ROBO2: variants seen among roughly 807,000 people sequenced by gnomAD.
ROBO2 encodes roundabout guidance receptor 2.
Under a neutral mutation model 160.8 loss-of-function variants are expected in ROBO2, and 53 were observed. That is an observed-to-expected ratio of 0.33 (90% CI 0.26 to 0.41). ROBO2 has a LOEUF of 0.41. Ranked by LOEUF, ROBO2 falls within the 10% of genes least tolerant of loss-of-function variation. ROBO2 has a pLI of 1.00. For synonymous variants in ROBO2, 664 were observed against 611.7 expected, an observed-to-expected ratio of 1.09 and a Z score of -1.26; for missense variants, 1,577 against 1,722.4, an observed-to-expected ratio of 0.92 and a Z score of 1.49.
chr3:76,892,128 A>C (rs530026365), intron 2 of ROBO2, among the ~76,000 whole-genome samples: 1 of 151,700 alleles, frequency 6.6e-6, no homozygotes, highest in East Asian at 1.9e-4. Context: ...TACTGGCATA[A>C]TTTTTAAAGA....
At chr3:76,119,961 C>A (rs1576938496) in intron 2 of ROBO2, among the ~76,000 whole-genome samples, 1 of 136,366 alleles carries the variant, frequency 7.3e-6, no homozygotes, top group African/African-American at 2.7e-5. Flanking sequence ...TTCCTTCCTT[C>A]CTTCCTTCCT....
At chr3:76,283,153 A>ATATATATATATATATATATATATATATAT (rs1559717396) in intron 2 of ROBO2, among the ~76,000 whole-genome samples, 2 of 12,072 alleles carry the variant, frequency 1.7e-4, no homozygotes, top group Admixed American at 1.4e-3. Context: ...TATATATATA[A>ATATATATATATATATATATATATATATAT]AACTACATAT....
chr3:76,110,225 C>A (rs1251977878), intron 2 of ROBO2, among the ~76,000 whole-genome samples: 1 of 151,954 alleles, frequency 6.6e-6, no homozygotes, highest in Non-Finnish European at 1.5e-5. Flanking sequence ...TGATGGCAAA[C>A]CTTCTTAAGG....
rs139115308 is a variant in ROBO2 at position 77,166,718 on chromosome 3, C to T, written c.388+68378C>T. Among the ~76,000 whole-genome samples, 1,458 of 149,884 alleles carry T rather than the reference C, an allele frequency of 9.7e-3. 13 individuals carry two copies. Among genetic ancestry groups the T allele is most frequent in the Non-Finnish European group, 0.014 (962 of 67,920 alleles). On this transcript the variant is annotated intron_variant, in intron 2 of 25. Coordinates refer to ENST00000461745, the Ensembl canonical transcript of ROBO2. ...GGACTACAGGCGCCGCCACCACTCC[C>T]GGCTAATTTTTTTTTGTATTTTTAG...
At chr3:76,922,872 CTGT>C (rs2076754798) in intron 2 of ROBO2, among the ~76,000 whole-genome samples, 1 of 152,152 alleles carries the variant, frequency 6.6e-6, no homozygotes, top group Non-Finnish European at 1.5e-5. Context: ...GTGTATAGGG[CTGT>C]TATTATTTCA....
intron 2 of ROBO2, among the ~76,000 whole-genome samples, chr3:77,004,144 A>G (rs1248743453): frequency 6.6e-6 from 1 of 152,206 alleles, no homozygotes; most frequent in Non-Finnish European, 1.5e-5. Flanking sequence ...ATAAAGGTCT[A>G]TATCATAAAC....
chr3:76,216,102 G>A (rs200724091), intron 2 of ROBO2, among the ~76,000 whole-genome samples: 2 of 152,140 alleles, frequency 1.3e-5, no homozygotes, highest in African/African-American at 2.4e-5. Flanking sequence ...TTACAGACAA[G>A]CAAATGCTGA....
intron 2 of ROBO2, among the ~76,000 whole-genome samples, chr3:76,392,587 G>A (rs887768230): frequency 8.6e-5 from 13 of 152,022 alleles, no homozygotes; most frequent in Admixed American, 5.2e-4. Flanking sequence ...GCATTTTCCC[G>A]CAAAATGATG....
intron 2 of ROBO2, among the ~76,000 whole-genome samples, chr3:76,841,712 G>GA: frequency 6.6e-6 from 1 of 152,104 alleles, no homozygotes; most frequent in African/African-American, 2.4e-5. Context: ...AAAAATATGA[G>GA]AAAAAAGAGG....
chr3:76,257,950 A>G (rs1256659446), intron 2 of ROBO2, among the ~76,000 whole-genome samples: 3 of 152,168 alleles, frequency 2.0e-5, no homozygotes, highest in South Asian at 2.1e-4. Context: ...AACGCTTCAC[A>G]TATTTCAGCA....
chr3:75,972,168 A>G (rs908394022), intron 2 of ROBO2, among the ~76,000 whole-genome samples: 4 of 151,644 alleles, frequency 2.6e-5, no homozygotes, highest in Non-Finnish European at 5.9e-5. Flanking sequence ...AACTATTTTG[A>G]GCAATATAAT....
intron 2 of ROBO2, among the ~76,000 whole-genome samples, chr3:76,854,116 A>C (rs542861294): frequency 1.3e-5 from 2 of 149,706 alleles, no homozygotes; most frequent in East Asian, 4.0e-4. Flanking sequence ...AGCATGTTAT[A>C]CCTAAAATTT....
intron 2 of ROBO2, among the ~76,000 whole-genome samples, chr3:76,334,315 C>T (rs886566903): frequency 1.5e-4 from 23 of 152,110 alleles, no homozygotes; most frequent in African/African-American, 5.3e-4. Flanking sequence ...GCGTATTTAT[C>T]ACAGCATCCC....
At chr3:77,459,731 TG>T (rs1161295563) in intron 2 of ROBO2, among the ~76,000 whole-genome samples, 3 of 152,014 alleles carry the variant, frequency 2.0e-5, no homozygotes, top group Non-Finnish European at 2.9e-5. Context: ...TAGGAAGTCA[TG>T]GGGAGAATAA....
intron 2 of ROBO2, among the ~76,000 whole-genome samples, chr3:77,107,017 A>G (rs2072893102): frequency 6.6e-6 from 1 of 152,194 alleles, no homozygotes; most frequent in South Asian, 2.1e-4. Flanking sequence ...AAAATACCAT[A>G]AACTGGGTAG....
At chr3:77,519,072 TTTTATTAA>T (rs1413938407) in intron 5 of ROBO2, among the ~76,000 whole-genome samples, 5 of 151,520 alleles carry the variant, frequency 3.3e-5, no homozygotes, top group Non-Finnish European at 7.4e-5. Context: ...AGGTAGTCTC[TTTTATTAA>T]TTGTTAAGAT....
chr3:77,332,838 T>C lies in ROBO2; in HGVS notation c.389-144576T>C, dbSNP rs570060125. Among the ~76,000 whole-genome samples, 35 of 152,336 alleles carry C rather than the reference T, an allele frequency of 2.3e-4. No individual in the cohort carries two copies. In the South Asian group the frequency reaches 5.2e-3, roughly 23 times the overall value. On this transcript the variant is annotated intron_variant, in intron 2 of 25. Transcript: ENST00000461745. ...TAGTTGCTGCTGTTAATATTAATGT[T>C]AGTACTGTGTAATCATCTGAAAAGT...
chr3:77,505,317 G>T (rs754456969), intron 5 of ROBO2, among the ~76,000 whole-genome samples: 1 of 151,908 alleles, frequency 6.6e-6, no homozygotes, highest in Non-Finnish European at 1.5e-5. Flanking sequence ...TAATACAAGT[G>T]GTCATACAAG....
At chr3:77,394,901 ATTC>A (rs2075118254) in intron 2 of ROBO2, among the ~76,000 whole-genome samples, 1 of 152,156 alleles carries the variant, frequency 6.6e-6, no homozygotes, top group Non-Finnish European at 1.5e-5. Context: ...TTTAATGCCA[ATTC>A]TTCACTAATA....
Sources: gnomAD v4.1 joint callset for allele counts (sites outside exome capture counted in the v4.1 genomes callset) on GRCh38, gnomAD v4.1.1 for gene constraint, MANE v1.5 for transcripts, NCBI Gene and HGNC (gene_info 2026-07-23, HGNC 2026-07-21) for gene names.